Variants in RGS7 observed in about 807,000 individuals in gnomAD.
RGS7 encodes the protein regulator of G protein signaling 7.
A neutral mutation model predicts 81.1 loss-of-function variants in RGS7; 27 were observed. The ratio of observed to expected loss-of-function variants is 0.33; its 90% CI spans 0.25 to 0.46. The LOEUF (loss-of-function observed/expected upper bound fraction) is 0.46. RGS7 is among the 20% of genes least tolerant of loss of function. The pLI is 1.00. For synonymous variants in RGS7, 208 were observed against 207.7 expected, an observed-to-expected ratio of 1.00 and a Z score of -0.01; for missense variants, 396 against 607.4, an observed-to-expected ratio of 0.65 and a Z score of 3.66.
chr1:241,345,784 G>A (rs1477543770), intron 2 of RGS7, among the ~76,000 whole-genome samples: 4 of 152,062 alleles, frequency 2.6e-5, no homozygotes, highest in African/African-American at 9.7e-5. Context: ...TTGGGAGGCC[G>A]AGGTGGGTGG....
intron 2 of RGS7, among the ~76,000 whole-genome samples, chr1:241,327,036 A>AAGGAAGGGAGGGAGGGAGGG (rs1416114110): frequency 4.8e-4 from 3 of 6,236 alleles, no homozygotes; most frequent in African/African-American, 1.0e-3. Context: ...GGAAGGAAGG[A>AAGGAAGGGAGGGAGGGAGGG]AGGGAGGGAG....
At chr1:241,050,043 C>T (rs1379144147) in intron 3 of RGS7, among the ~76,000 whole-genome samples, 1 of 152,182 alleles carries the variant, frequency 6.6e-6, no homozygotes, top group African/African-American at 2.4e-5. Flanking sequence ...ATAGCCTTCT[C>T]CAGAGGTTAA....
intron 2 of RGS7, among the ~76,000 whole-genome samples, chr1:241,199,271 A>G (rs942810593): frequency 1.3e-5 from 2 of 152,236 alleles, no homozygotes; most frequent in South Asian, 2.1e-4. Context: ...CCCAGCCAAC[A>G]TGGTGAAACC....
intron 3 of RGS7, among the ~76,000 whole-genome samples, chr1:240,984,785 A>G (rs1385750806): frequency 6.6e-6 from 1 of 152,328 alleles, no homozygotes; most frequent in East Asian, 1.9e-4. Context: ...TGGCAAAATA[A>G]TTCTAGCTGC....
intron 3 of RGS7, among the ~76,000 whole-genome samples, chr1:241,008,112 A>T (rs1467163587): frequency 6.7e-6 from 1 of 149,712 alleles, no homozygotes; most frequent in East Asian, 1.9e-4. Flanking sequence ...TTTATATGGC[A>T]ACAAAAGACA....
intron 10 of RGS7, among the ~76,000 whole-genome samples, chr1:240,821,573 C>A (rs1386392465): frequency 6.6e-6 from 1 of 152,192 alleles, no homozygotes; most frequent in African/African-American, 2.4e-5. Flanking sequence ...GTAGTTTATT[C>A]TGTTCAGTAA....
chr1:241,058,994 C>T (rs768320038), intron 3 of RGS7, among the ~76,000 whole-genome samples: 3 of 152,212 alleles, frequency 2.0e-5, no homozygotes, highest in Non-Finnish European at 4.4e-5. Flanking sequence ...CAACAACACA[C>T]TTCGAAAGGC....
chr1:241,334,700 G>T lies in RGS7; in HGVS notation c.78+20999C>A, dbSNP rs910733073. Among the ~76,000 whole-genome samples, 12 of 151,992 alleles carry T rather than the reference G, an allele frequency of 7.9e-5. No individual in the cohort carries two copies. The East Asian group carries it at 2.3e-3, about 29-fold the overall frequency. ...CTAAAGTAACATAAAAATATCCATG[G>T]ATTTTTCACTTTCCTTTGAATGCGG... On this transcript the variant is annotated intron_variant, in intron 2 of 18. Transcript: ENST00000440928.
intron 15 of RGS7, 48 bp downstream of exon 15, chr1:240,806,092 C>G (rs368800189): frequency 1.3e-6 from 2 of 1,535,234 alleles, no homozygotes; most frequent in East Asian, 2.2e-5. Context: ...ATCTAACGCT[C>G]AACTTCTCGG....
At chr1:241,223,674 C>T (rs1297241830) in intron 2 of RGS7, among the ~76,000 whole-genome samples, 1 of 150,942 alleles carries the variant, frequency 6.6e-6, no homozygotes, top group Non-Finnish European at 1.5e-5. Context: ...CTCCCTTTGT[C>T]CAGAGGGTTA....
At chr1:241,302,134 G>A (rs1227553078) in intron 2 of RGS7, among the ~76,000 whole-genome samples, 2 of 152,218 alleles carry the variant, frequency 1.3e-5, no homozygotes, top group East Asian at 3.8e-4. Context: ...AGTATTCTGA[G>A]CAGAGACAGC....
intron 9 of RGS7, among the ~76,000 whole-genome samples, chr1:240,859,754 A>C (rs1661854885): frequency 6.6e-6 from 1 of 151,728 alleles, no homozygotes; most frequent in Admixed American, 6.6e-5. Context: ...CTTACTTTGG[A>C]TTTAACTTGT....
At chr1:241,229,330 C>T (rs1043913240) in intron 2 of RGS7, among the ~76,000 whole-genome samples, 3 of 152,188 alleles carry the variant, frequency 2.0e-5, no homozygotes, top group Non-Finnish European at 4.4e-5. Flanking sequence ...AGGAAGCAGA[C>T]GATGGGAAAC....
intron 2 of RGS7, among the ~76,000 whole-genome samples, chr1:241,311,922 C>T (rs570125011): frequency 1.3e-5 from 2 of 152,316 alleles, no homozygotes; most frequent in East Asian, 1.9e-4. Flanking sequence ...AACACCTCAG[C>T]GCAGCTCTGA....
At position 240,973,161 on chromosome 1, in the gene RGS7, T is replaced by C. The variant is rs116150402; in HGVS notation, c.226+9918A>G. 6.4e-3 allele frequency among the ~76,000 whole-genome samples: 976 copies of C among 152,310 alleles called. 13 individuals are homozygous for C. The highest frequency in any genetic ancestry group is 0.022 in the African/African-American group (933 of 41,558). On this transcript the variant is annotated intron_variant, in intron 4 of 18. Coordinates refer to ENST00000440928, the MANE Select transcript of RGS7 (RefSeq NM_001364886.1). ...ACAAGTTTCTCTCCTGTTAATTTTC[T>C]GGTTGTAAATTGATGAGATATCTGC...
chr1:241,093,091 G>GT (rs970847973), intron 3 of RGS7, among the ~76,000 whole-genome samples: 7 of 151,834 alleles, frequency 4.6e-5, no homozygotes, highest in Admixed American at 2.0e-4. Context: ...TTATTTTATT[G>GT]TTTTTTTCAT....
chr1:241,263,248 G>T (rs2077426165), intron 2 of RGS7, among the ~76,000 whole-genome samples: 1 of 152,024 alleles, frequency 6.6e-6, no homozygotes, highest in South Asian at 2.1e-4. Flanking sequence ...CTGCACCCCA[G>T]CCTGGGTGAC....
chr1:241,185,529 C>T (rs1311655287), intron 2 of RGS7, among the ~76,000 whole-genome samples: 1 of 152,058 alleles, frequency 6.6e-6, no homozygotes, highest in Non-Finnish European at 1.5e-5. Flanking sequence ...TCAACAAGAA[C>T]AGAATATACA....
At chr1:241,092,233 T>C (rs1247911937) in intron 3 of RGS7, among the ~76,000 whole-genome samples, 2 of 152,326 alleles carry the variant, frequency 1.3e-5, no homozygotes, top group East Asian at 3.9e-4. Flanking sequence ...CCAAGGTAAA[T>C]GGTATAGTTT....
Sources: gnomAD v4.1 joint callset for allele counts (sites outside exome capture counted in the v4.1 genomes callset) on GRCh38, gnomAD v4.1.1 for gene constraint, MANE v1.5 for transcripts, NCBI Gene and HGNC (gene_info 2026-07-23, HGNC 2026-07-21) for gene names.